LHFPL3: variants seen among roughly 807,000 people sequenced by gnomAD.
LHFPL3 encodes LHFPL tetraspan subfamily member 3.
LHFPL3 carries 5 observed loss-of-function variants against 19.3 expected under a neutral mutation model. That is an observed-to-expected ratio of 0.26 (90% CI 0.14 to 0.54). The LOEUF is 0.54. LHFPL3 is among the 20% of genes least tolerant of loss of function. LHFPL3 has a pLI of 0.94. For synonymous variants in LHFPL3, 133 were observed against 126.2 expected, an observed-to-expected ratio of 1.05 and a Z score of -0.36; for missense variants, 249 against 307.4, an observed-to-expected ratio of 0.81 and a Z score of 1.42.
intron 1 of LHFPL3, among the ~76,000 whole-genome samples, chr7:104,586,402 C>G (rs1394592844): frequency 1.3e-5 from 2 of 152,048 alleles, no homozygotes; most frequent in South Asian, 4.1e-4. Flanking sequence ...CATCTGTGTG[C>G]ACAACTTTTA....
chr7:104,901,461 G>T (rs1792482611), intron 2 of LHFPL3, among the ~76,000 whole-genome samples: 1 of 152,188 alleles, frequency 6.6e-6, no homozygotes, highest in Non-Finnish European at 1.5e-5. Context: ...TCAAATCCAA[G>T]CAAACATTCC....
chr7:104,389,625 A>T lies in LHFPL3; in HGVS notation c.445+60401A>T, dbSNP rs192537359. ...CAATTGCAAAACTTACTACAAAGCT[A>T]CATTATTTAAGACAGTGTGGTTCTG... On this transcript the variant is annotated intron_variant, in intron 1 of 2. Coordinates refer to ENST00000424859, the MANE Select transcript of LHFPL3 (RefSeq NM_199000.3). Among the ~76,000 whole-genome samples the T allele has an allele frequency of 7.9e-5, 12 of 152,334 alleles. No homozygotes were observed. The East Asian group carries it at 1.2e-3, about 15-fold the overall frequency.
At chr7:104,791,866 G>C (rs1185177496) in intron 2 of LHFPL3, among the ~76,000 whole-genome samples, 1 of 152,184 alleles carries the variant, frequency 6.6e-6, no homozygotes, top group African/African-American at 2.4e-5. Flanking sequence ...GCCGCTGACA[G>C]TCAGCATTTA....
At chr7:104,382,705 C>G (rs890557940) in intron 1 of LHFPL3, among the ~76,000 whole-genome samples, 3 of 152,154 alleles carry the variant, frequency 2.0e-5, no homozygotes, top group African/African-American at 4.8e-5. Context: ...ACCCTATGTC[C>G]CATTCCCGTA....
chr7:104,649,373 G>T (rs1791987406), intron 1 of LHFPL3, among the ~76,000 whole-genome samples: 1 of 152,210 alleles, frequency 6.6e-6, no homozygotes, highest in African/African-American at 2.4e-5. Context: ...ACTTCCCAGA[G>T]GAGGTGGCAT....
At chr7:104,870,210 G>A (rs1791805747) in intron 2 of LHFPL3, among the ~76,000 whole-genome samples, 1 of 152,102 alleles carries the variant, frequency 6.6e-6, no homozygotes, top group Admixed American at 6.6e-5. Flanking sequence ...CCTGCATGTT[G>A]TGCACATGTA....
At chr7:104,464,673 A>G (rs1584338059) in intron 1 of LHFPL3, among the ~76,000 whole-genome samples, 2 of 152,170 alleles carry the variant, frequency 1.3e-5, no homozygotes, top group Non-Finnish European at 2.9e-5. Context: ...TGAGCTATAC[A>G]TTGGCCCCTC....
chr7:104,468,621 T>C (rs1792839684), intron 1 of LHFPL3, among the ~76,000 whole-genome samples: 1 of 151,626 alleles, frequency 6.6e-6, no homozygotes, highest in African/African-American at 2.4e-5. Flanking sequence ...CCATGGAGAA[T>C]GACAAATTTC....
intron 2 of LHFPL3, among the ~76,000 whole-genome samples, chr7:104,769,244 C>A (rs1477834885): frequency 6.6e-6 from 1 of 152,148 alleles, no homozygotes; most frequent in Admixed American, 6.5e-5. Flanking sequence ...AAGAAGGGAC[C>A]AGGAAGAGCA....
At chr7:104,590,124 C>G (rs1372758882) in intron 1 of LHFPL3, among the ~76,000 whole-genome samples, 2 of 152,074 alleles carry the variant, frequency 1.3e-5, no homozygotes, top group Admixed American at 6.6e-5. Flanking sequence ...CAGTTCTGCT[C>G]TCATCTTAGT....
At chr7:104,590,510 A>C (rs1167721261) in intron 1 of LHFPL3, among the ~76,000 whole-genome samples, 1 of 152,030 alleles carries the variant, frequency 6.6e-6, no homozygotes. Flanking sequence ...TTTTACATTT[A>C]CTGAGGAGTG....
At chr7:104,485,294 A>G (rs1482561303) in intron 1 of LHFPL3, among the ~76,000 whole-genome samples, 2 of 148,226 alleles carry the variant, frequency 1.3e-5, no homozygotes, top group Admixed American at 6.7e-5. Flanking sequence ...TTTAAAAAAA[A>G]TCAGAGATTC....
chr7:104,454,546 G>C lies in LHFPL3; in HGVS notation c.445+125322G>C, dbSNP rs1310536159. Among the ~76,000 whole-genome samples, 3 of 152,128 alleles carry C rather than the reference G, an allele frequency of 2.0e-5. 1 individual carries two copies. The highest frequency in any genetic ancestry group is 2.0e-4 in the Admixed American group (3 of 15,270). ...TTAGGAAGAGCCCTGAGGCACACAG[G>C]CCCAGGTTCTAATTTCAGCTTTACT... On this transcript the variant is annotated intron_variant, in intron 1 of 2. Coordinates refer to ENST00000424859, the MANE Select transcript of LHFPL3 (RefSeq NM_199000.3).
intron 2 of LHFPL3, among the ~76,000 whole-genome samples, chr7:104,860,151 C>T (rs1043237957): frequency 5.4e-5 from 8 of 147,224 alleles, no homozygotes; most frequent in African/African-American, 2.0e-4. Context: ...ACCACCACCC[C>T]CCAAATACAC....
At chr7:104,621,941 C>T (rs1449092076) in intron 1 of LHFPL3, among the ~76,000 whole-genome samples, 1 of 152,094 alleles carries the variant, frequency 6.6e-6, no homozygotes, top group Non-Finnish European at 1.5e-5. Context: ...ATCTCTTCCA[C>T]CTACCAAAAA....
chr7:104,698,616 A>C lies in LHFPL3; in HGVS notation c.446-38059A>C, dbSNP rs960371652. Reference sequence around the variant, plus strand: ...TGTCCACACAAAAACCTGTACATGGATGTTTACAGCAGTTGTATTCATAAT... The same window carrying C: ...TGTCCACACAAAAACCTGTACATGGCTGTTTACAGCAGTTGTATTCATAAT... On this transcript the variant is annotated intron_variant, in intron 1 of 2. Transcript: ENST00000424859. Among the ~76,000 whole-genome samples the C allele has an allele frequency of 2.0e-5, 3 of 152,238 alleles. No individual in the cohort carries two copies. In the East Asian group the frequency reaches 5.8e-4, roughly 29 times the overall value.
chr7:104,490,925 T>C (rs573302327), intron 1 of LHFPL3, among the ~76,000 whole-genome samples: 3 of 152,310 alleles, frequency 2.0e-5, no homozygotes, highest in East Asian at 3.9e-4. Context: ...ACAGCCATCA[T>C]TGGTCTTCTT....
intron 1 of LHFPL3, among the ~76,000 whole-genome samples, chr7:104,662,408 C>T (rs993360383): frequency 1.3e-5 from 2 of 152,150 alleles, no homozygotes; most frequent in Non-Finnish European, 2.9e-5. Flanking sequence ...CCCAAGTATG[C>T]AAGTGCTATT....
intron 1 of LHFPL3, among the ~76,000 whole-genome samples, chr7:104,649,600 A>G (rs1465342): frequency 0.97 from 147,276 of 152,314 alleles, 71,350 homozygotes; most frequent in Non-Finnish European, 1. Context: ...GGGCCAAACC[A>G]TAACATTTGA....
Sources: allele counts gnomAD v4.1 joint callset (sites outside exome capture counted in the v4.1 genomes callset), GRCh38; gene constraint gnomAD v4.1.1; transcripts MANE v1.5; gene names NCBI Gene and HGNC (gene_info 2026-07-23, HGNC 2026-07-21).